TUBGCP5: variants seen among roughly 807,000 people sequenced by gnomAD.
TUBGCP5 encodes the protein gamma-tubulin complex component 5.
In TUBGCP5, 98 loss-of-function variants were observed where a neutral mutation model predicts 134.7. The ratio of observed to expected loss-of-function variants is 0.73; its 90% confidence interval spans 0.62 to 0.86. The LOEUF is 0.86. Ranked by LOEUF, TUBGCP5 falls within the 40% of genes least tolerant of loss-of-function variation. The probability of loss-of-function intolerance (pLI) is 0.00; values close to 1 mark genes in which losing one functional copy is unlikely to be tolerated. For synonymous variants in TUBGCP5, 456 were observed against 431.4 expected, an observed-to-expected ratio of 1.06 and a Z score of -0.71; for missense variants, 1,150 against 1,244.8, an observed-to-expected ratio of 0.92 and a Z score of 1.15.
chr15:23,013,619 G>T lies in TUBGCP5; in HGVS notation c.1757-2288C>A, dbSNP rs1332766991. On this transcript the variant is annotated intron_variant, in intron 13 of 22. Transcript: ENST00000615383. This position sits in a 1 kb window ranked among gnomAD's most constrained non-coding sequence, Gnocchi z 4.5. ...GAAGGACTTCCCATTGTAGGGTAAG[G>T]GTAAGCAGAAGAAACCCACCAGCCC... Among the ~76,000 whole-genome samples, 1 of 152,118 alleles carries T rather than the reference G, an allele frequency of 6.6e-6. No homozygotes were observed. The highest frequency in any genetic ancestry group is 2.4e-5 in the African/African-American group (1 of 41,422).
rs71414252 is a variant in TUBGCP5, at chr15:22,993,525, G to GTTTTTTTTTTTTTTTTTTT, written c.*61+3301_*61+3319dup. On this transcript the variant is annotated intron_variant and NMD_transcript_variant, in intron 23 of 23. Coordinates refer to the TUBGCP5 transcript ENST00000614508. ...TAATCCTCCCACCTCAGCCCCCGAA[G>GTTTTTTTTTTTTTTTTTTT]TTTTTTTTTTTTTTTTTTTTTTTTT... Among the ~76,000 whole-genome samples, 34 of 69,272 alleles carry GTTTTTTTTTTTTTTTTTTT rather than the reference G, an allele frequency of 4.9e-4. 4 individuals carry two copies. Among genetic ancestry groups the GTTTTTTTTTTTTTTTTTTT allele is most frequent in the African/African-American group, 2.0e-3 (33 of 16,740 alleles). The allele number at this position is 69,272 out of a possible 152,430, so 45.4% of individuals were successfully genotyped here.
Position 23,011,116 on chromosome 15 carries a change from T to C in TUBGCP5, c.1955+17A>G, listed in dbSNP as rs1350626492. On this transcript the variant is annotated intron_variant, in intron 14 of 22. Coordinates refer to ENST00000615383, the MANE Select transcript of TUBGCP5 (RefSeq NM_052903.6). ...GATGCCATTTCAATTACTGATAACC[T>C]TGCAGGTGTGTCTCACCTTGCAAAG... 1.9e-6 allele frequency: 3 copies of C among 1,612,246 alleles called. No individual in the cohort carries two copies. The highest frequency in any genetic ancestry group is 3.3e-5 in the Admixed American group (2 of 59,890).
At chr15:23,020,897 G>A (rs2065649323) in intron 11 of TUBGCP5, among the ~76,000 whole-genome samples, 1 of 151,964 alleles carries the variant, frequency 6.6e-6, no homozygotes, top group Non-Finnish European at 1.5e-5. Flanking sequence ...TGCCTCCAGA[G>A]CTGGCTACCT....
chr15:23,014,269 G>A (rs1351035257), intron 13 of TUBGCP5, among the ~76,000 whole-genome samples: 1 of 152,202 alleles, frequency 6.6e-6, no homozygotes, highest in South Asian at 2.1e-4. Context: ...AGCATTCAGG[G>A]TCTGAGAAAC....
intron 3 of TUBGCP5, among the ~76,000 whole-genome samples, chr15:23,034,415 T>C (rs908438839): frequency 5.9e-5 from 9 of 152,116 alleles, no homozygotes; most frequent in African/African-American, 1.2e-4. Context: ...AGAGTGCTAA[T>C]GAAAAATGTG....
intron 23 of TUBGCP5, among the ~76,000 whole-genome samples, chr15:22,985,904 T>C (rs1187172367): frequency 1.3e-5 from 2 of 151,218 alleles, no homozygotes; most frequent in Non-Finnish European, 2.9e-5. Flanking sequence ...AAGGCCGAGA[T>C]GGGCGGATCA....
intron 3 of TUBGCP5, among the ~76,000 whole-genome samples, chr15:23,036,533 C>A (rs546025703): frequency 6.6e-5 from 10 of 151,754 alleles, no homozygotes; most frequent in South Asian, 2.1e-4. Context: ...CTTGGGGAAT[C>A]CCCCAAACAA....
chr15:22,998,666 G>A (rs1325394643), downstream of TUBGCP5, among the ~76,000 whole-genome samples: 1 of 151,856 alleles, frequency 6.6e-6, no homozygotes, highest in Non-Finnish European at 1.5e-5. Context: ...CCAGGATGGA[G>A]TGCAGTGGTA....
At chr15:23,036,740 T>C (rs1247649074) in intron 3 of TUBGCP5, among the ~76,000 whole-genome samples, 157 bp downstream of exon 3, 1 of 152,202 alleles carries the variant, frequency 6.6e-6, no homozygotes, top group African/African-American at 2.4e-5. Context: ...GAGGCATATC[T>C]GGTTTGATGG....
chr15:23,038,966 G>T (rs1403645578), intron 1 of TUBGCP5, among the ~76,000 whole-genome samples: 2 of 152,022 alleles, frequency 1.3e-5, no homozygotes, highest in African/African-American at 2.4e-5. Flanking sequence ...AAGGAGAGCA[G>T]GGTGAGAGAT....
At chr15:23,039,342 C>G in intron 1 of TUBGCP5, 56 bp downstream of exon 1, 3 of 1,308,994 alleles carry the variant, frequency 2.3e-6, no homozygotes, top group Non-Finnish European at 9.8e-7. Flanking sequence ...TGTGCGGGAC[C>G]CACGCGCGGG....
chr15:23,026,407 C>A (rs560279136), intron 7 of TUBGCP5, among the ~76,000 whole-genome samples: 15 of 152,046 alleles, frequency 9.9e-5, no homozygotes, highest in South Asian at 2.1e-4. Flanking sequence ...ACAATTGTTA[C>A]GTTTATTGCT....
chr15:23,019,444 T>C, intron 11 of TUBGCP5, 110 bp from the exon 12 acceptor site: 1 of 716,046 alleles, frequency 1.4e-6, no homozygotes, highest in Middle Eastern at 2.4e-4. Flanking sequence ...GATTTCTATG[T>C]TTTTTGGGGC....
chr15:23,015,428 G>A (rs1489146432), intron 13 of TUBGCP5, among the ~76,000 whole-genome samples: 1 of 150,862 alleles, frequency 6.6e-6, no homozygotes, highest in Non-Finnish European at 1.5e-5. Context: ...GATTGCTTGA[G>A]GCTAGGAGTT....
At chr15:23,027,170 A>C in intron 7 of TUBGCP5, 22 bp downstream of exon 7, 1 of 1,561,510 alleles carries the variant, frequency 6.4e-7, no homozygotes, top group Non-Finnish European at 8.8e-7. Flanking sequence ...CATCACATTA[A>C]ATGAAAACTT....
chr15:23,012,201 T>C (rs548237716), intron 13 of TUBGCP5, among the ~76,000 whole-genome samples: 2 of 151,356 alleles, frequency 1.3e-5, no homozygotes, highest in African/African-American at 2.4e-5. Flanking sequence ...GTAACCCTGA[T>C]AGGAGTCGCA....
At chr15:23,001,756 C>T (rs2064398632) in intron 21 of TUBGCP5, among the ~76,000 whole-genome samples, 1 of 151,776 alleles carries the variant, frequency 6.6e-6, no homozygotes, top group Non-Finnish European at 1.5e-5. Context: ...ACATGCCAAG[C>T]TTACACCTCC....
intron 1 of TUBGCP5, among the ~76,000 whole-genome samples, chr15:23,038,977 C>T (rs915097133): frequency 1.3e-5 from 2 of 151,976 alleles, no homozygotes; most frequent in Non-Finnish European, 2.9e-5. Context: ...GGTGAGAGAT[C>T]TTACACTGGG....
chr15:23,033,673 A>C (rs1442995994), intron 3 of TUBGCP5, among the ~76,000 whole-genome samples: 2 of 152,226 alleles, frequency 1.3e-5, no homozygotes, highest in Non-Finnish European at 2.9e-5. Flanking sequence ...TTGAGAAATA[A>C]TGCCAAAATA....
Sources: allele counts gnomAD v4.1 joint callset (sites outside exome capture counted in the v4.1 genomes callset), GRCh38; gene constraint gnomAD v4.1.1; non-coding constraint Gnocchi (gnomAD v3.1); transcripts MANE v1.5; gene names NCBI Gene and HGNC (gene_info 2026-07-23, HGNC 2026-07-21).